RNF144A: variants seen among roughly 807,000 people sequenced by gnomAD.
RNF144A encodes E3 ubiquitin-protein ligase RNF144A.
RNF144A carries 11 observed loss-of-function variants against 38.7 expected under a neutral mutation model. That is an observed-to-expected ratio of 0.28 (90% CI 0.18 to 0.47). The LOEUF (loss-of-function observed/expected upper bound fraction) is 0.47, where lower values mean the gene tolerates loss of function less well. Among genes scored for constraint, RNF144A ranks in the 20% least tolerant of loss-of-function variants. The pLI is 0.99. For missense variants in RNF144A, 316 were observed against 377.2 expected, an observed-to-expected ratio of 0.84 and a Z score of 1.34; for synonymous variants, 149 against 143.9, an observed-to-expected ratio of 1.04 and a Z score of -0.25.
intron 2 of RNF144A, among the ~76,000 whole-genome samples, chr2:6,965,827 C>A (rs1349871912): frequency 6.6e-6 from 1 of 151,928 alleles, no homozygotes; most frequent in Non-Finnish European, 1.5e-5. Flanking sequence ...GGTGAAGAGA[C>A]AGAAAATTTG....
chr2:7,048,606 G>A (rs1009309070), downstream of RNF144A, among the ~76,000 whole-genome samples: 11 of 152,198 alleles, frequency 7.2e-5, no homozygotes, highest in Non-Finnish European at 1.0e-4. Flanking sequence ...AAGGGTGTTA[G>A]GGAGACTGCA....
At chr2:6,924,056 A>T (rs145208901) in intron 1 of RNF144A, among the ~76,000 whole-genome samples, 1 of 152,326 alleles carries the variant, frequency 6.6e-6, no homozygotes, top group East Asian at 1.9e-4. Context: ...TTCGAGTGTA[A>T]ATTCTGTATT....
rs767905954 is a variant in RNF144A, at chr2:7,040,424, G to A, written c.*664G>A. 3.0e-6 allele frequency: 3 copies of A among 985,274 alleles called. No individual in the cohort carries two copies. Among genetic ancestry groups the A allele is most frequent in the East Asian group, 1.1e-4 (1 of 8,826 alleles). 61.0% of individuals were successfully genotyped at this position (985,274 alleles called of 1,614,324 possible). A position where few individuals can be genotyped will look rare whatever the true frequency, so the allele number is the denominator to read the frequency against. ...AACTTGCTGTAGTAACTTTTTGAAC[G>A]CTGTAAGCTGTGTACTGTTATAAGT... On this transcript the variant is annotated 3_prime_UTR_variant, in exon 9 of 9. Transcript: ENST00000320892.
chr2:7,038,930 A>G (rs905634358), intron 8 of RNF144A, among the ~76,000 whole-genome samples: 6 of 149,080 alleles, frequency 4.0e-5, no homozygotes, highest in Non-Finnish European at 7.4e-5. Flanking sequence ...TAGATGGATG[A>G]TGGTTAGATG....
At chr2:7,018,267 G>A (rs1671273882) in intron 5 of RNF144A, among the ~76,000 whole-genome samples, 1 of 152,214 alleles carries the variant, frequency 6.6e-6, no homozygotes, top group African/African-American at 2.4e-5. Context: ...AGCAAAGAGC[G>A]GGTGAGGATT....
chr2:6,953,580 C>T (rs892725082), intron 2 of RNF144A, among the ~76,000 whole-genome samples: 8 of 152,056 alleles, frequency 5.3e-5, no homozygotes, highest in East Asian at 1.9e-4. Context: ...AATTTTCCAA[C>T]GTGTGGGATC....
chr2:6,938,619 C>G (rs1665755921), intron 1 of RNF144A, among the ~76,000 whole-genome samples: 1 of 152,170 alleles, frequency 6.6e-6, no homozygotes. Context: ...TTTTAAAGTA[C>G]ACCATTCTGT....
chr2:7,063,960 G>A (rs770374752), intron 6 of RNF144A, among the ~76,000 whole-genome samples: 4 of 152,216 alleles, frequency 2.6e-5, no homozygotes, highest in South Asian at 2.1e-4. Context: ...GTCCAAGAGC[G>A]TGGCACCAGC....
intron 6 of RNF144A, among the ~76,000 whole-genome samples, chr2:7,058,090 T>C (rs1673807959): frequency 6.6e-6 from 1 of 152,144 alleles, no homozygotes; most frequent in Admixed American, 6.5e-5. Context: ...TTAATGTAAG[T>C]ACTGACAGTG....
At chr2:7,029,657 C>G (rs1290752873) in intron 7 of RNF144A, among the ~76,000 whole-genome samples, 4 of 152,176 alleles carry the variant, frequency 2.6e-5, no homozygotes, top group African/African-American at 9.7e-5. Flanking sequence ...TCATCCAATC[C>G]CAGGAATAGC....
chr2:7,011,040 C>A (rs577847026), intron 3 of RNF144A, among the ~76,000 whole-genome samples: 14 of 151,910 alleles, frequency 9.2e-5, no homozygotes, highest in Non-Finnish European at 1.9e-4. Flanking sequence ...GACACTATGC[C>A]CCTTTAAAGT....
the RNF144A span, among the ~76,000 whole-genome samples, chr2:7,074,171 G>C: frequency 6.6e-6 from 1 of 152,162 alleles, no homozygotes; most frequent in Non-Finnish European, 1.5e-5. Flanking sequence ...TGGTTTTCAG[G>C]AATTTGGCAG....
At chr2:6,953,800 C>A (rs1290698481) in intron 2 of RNF144A, among the ~76,000 whole-genome samples, 1 of 152,130 alleles carries the variant, frequency 6.6e-6, no homozygotes, top group African/African-American at 2.4e-5. Context: ...TACATTTTCA[C>A]TAGTTTTGCA....
At chr2:6,982,861 C>T (rs1002745725) in intron 2 of RNF144A, among the ~76,000 whole-genome samples, 2 of 152,246 alleles carry the variant, frequency 1.3e-5, no homozygotes, top group African/African-American at 4.8e-5. Flanking sequence ...AAAGAGGGAT[C>T]TTTTAATCAT....
rs150007932 is a variant in RNF144A, at chr2:6,984,465, C to T, written c.-11-12451C>T. Among the ~76,000 whole-genome samples, 796 of 152,036 alleles carry T rather than the reference C, an allele frequency of 5.2e-3. 5 individuals are homozygous for T. Among genetic ancestry groups the T allele is most frequent in the African/African-American group, 0.018 (747 of 41,474 alleles). On this transcript the variant is annotated intron_variant, in intron 2 of 8. Coordinates refer to ENST00000320892, the MANE Select transcript of RNF144A (RefSeq NM_014746.6). Reference sequence around the variant, plus strand: ...TTACAGGCTCCCGCCACCACATCCGCGCTAATTTTTGTATTTTTAGTAGAG... The same window carrying T: ...TTACAGGCTCCCGCCACCACATCCGTGCTAATTTTTGTATTTTTAGTAGAG...
At chr2:7,027,063 A>G (rs982487007) in intron 7 of RNF144A, among the ~76,000 whole-genome samples, 2 of 152,198 alleles carry the variant, frequency 1.3e-5, no homozygotes, top group Non-Finnish European at 1.5e-5. Context: ...AGCCAAGAGC[A>G]CTCAGAGGAG....
intron 2 of RNF144A, among the ~76,000 whole-genome samples, chr2:6,959,692 TG>T (rs1231890374): frequency 6.6e-6 from 1 of 152,162 alleles, no homozygotes; most frequent in African/African-American, 2.4e-5. Context: ...TCTACTCCTA[TG>T]ATAACCCATT....
rs189583421 is a variant in RNF144A, at chr2:7,020,342, G to A, written c.302-131G>A. 648 of 747,990 alleles carry A rather than the reference G, an allele frequency of 8.7e-4. 7 individuals carry two copies. The Admixed American group carries it at 0.014, about 16-fold the overall frequency. 46.3% of individuals were successfully genotyped at this position (747,990 alleles called of 1,614,324 possible). On this transcript the variant is annotated intron_variant, in intron 5 of 8. Coordinates refer to ENST00000320892, the MANE Select transcript of RNF144A (RefSeq NM_014746.6). ...GGGTGGCTTGGGCGGTGCTTCGGTT[G>A]GGGCTGGTGGTGCTGGCTGTATTAC...
At chr2:7,032,112 A>G (rs948180149) in intron 8 of RNF144A, among the ~76,000 whole-genome samples, 5 of 152,274 alleles carry the variant, frequency 3.3e-5, no homozygotes, top group African/African-American at 1.2e-4. Context: ...GCCATGGCGT[A>G]CTGCCCTCTG....
Sources: allele counts gnomAD v4.1 joint callset (sites outside exome capture counted in the v4.1 genomes callset), GRCh38; gene constraint gnomAD v4.1.1; transcripts MANE v1.5; gene names NCBI Gene and HGNC (gene_info 2026-07-23, HGNC 2026-07-21).